SRRM4: variants seen among roughly 807,000 people sequenced by gnomAD.
The protein encoded by SRRM4 is serine/arginine repetitive matrix 4, also known as serine/arginine repetitive matrix protein 4.
Under a neutral mutation model 68.9 loss-of-function variants are expected in SRRM4, and 33 were observed. That is an observed-to-expected ratio of 0.48 (90% CI 0.36 to 0.64). The LOEUF (loss-of-function observed/expected upper bound fraction) is 0.64. Ranked by LOEUF, SRRM4 falls within the 30% of genes least tolerant of loss-of-function variation. The pLI, the probability that SRRM4 is intolerant of heterozygous loss-of-function variation, is 0.00. For synonymous variants in SRRM4, 318 were observed against 318.8 expected (o/e 1.00, Z 0.03); for missense variants, 817 against 827.1 (o/e 0.99, Z 0.15).
chr12:119,033,278 C>A (rs905659240), intron 1 of SRRM4, among the ~76,000 whole-genome samples: 2 of 152,168 alleles, frequency 1.3e-5, no homozygotes, highest in African/African-American at 4.8e-5. Context: ...TCATCTTTTT[C>A]TCTTTTCTTT....
At chr12:119,144,842 G>C (rs1220553608) in intron 8 of SRRM4, among the ~76,000 whole-genome samples, 1 of 151,644 alleles carries the variant, frequency 6.6e-6, no homozygotes, top group African/African-American at 2.4e-5. Flanking sequence ...TGTGATATTT[G>C]TTTAGGTTTC....
chr12:119,017,063 A>G (rs1953486280), intron 1 of SRRM4, among the ~76,000 whole-genome samples: 3 of 152,258 alleles, frequency 2.0e-5, no homozygotes, highest in African/African-American at 7.2e-5. Flanking sequence ...GCAAACTTTA[A>G]TATCCGCATG....
At chr12:118,988,897 T>C (rs982297113) in intron 1 of SRRM4, among the ~76,000 whole-genome samples, 2 of 151,488 alleles carry the variant, frequency 1.3e-5, no homozygotes, top group South Asian at 2.1e-4. Flanking sequence ...AAGGGAGAGG[T>C]GAGCTGTGAG....
At chr12:119,099,445 T>C (rs977728384) in intron 1 of SRRM4, among the ~76,000 whole-genome samples, 1 of 150,812 alleles carries the variant, frequency 6.6e-6, no homozygotes, top group African/African-American at 2.4e-5. Flanking sequence ...CTCTTCCTTA[T>C]AATATGTTAA....
chr12:119,034,382 C>A (rs1205745852), intron 1 of SRRM4, among the ~76,000 whole-genome samples: 1 of 152,192 alleles, frequency 6.6e-6, no homozygotes, highest in Non-Finnish European at 1.5e-5. Flanking sequence ...AGGATCCACT[C>A]TTCCTTGTTG....
chr12:119,083,416 G>A (rs1953961379), intron 1 of SRRM4, among the ~76,000 whole-genome samples: 1 of 152,054 alleles, frequency 6.6e-6, no homozygotes, highest in African/African-American at 2.4e-5. Flanking sequence ...CTTTGGAGCA[G>A]CCTTCAACTA....
intron 9 of SRRM4, among the ~76,000 whole-genome samples, chr12:119,146,325 AC>A (rs1954401394): frequency 6.6e-6 from 1 of 151,902 alleles, no homozygotes; most frequent in Non-Finnish European, 1.5e-5. Context: ...GGTGGCTCAC[AC>A]CTGTAATCCC....
At chr12:119,109,778 G>A (rs539649702) in intron 2 of SRRM4, among the ~76,000 whole-genome samples, 24 of 152,010 alleles carry the variant, frequency 1.6e-4, no homozygotes, top group Non-Finnish European at 2.8e-4. Flanking sequence ...CTCCTTTAGC[G>A]CAGAGAAGTT....
chr12:118,993,428 T>A (rs1389681661), intron 1 of SRRM4, among the ~76,000 whole-genome samples: 1 of 152,218 alleles, frequency 6.6e-6, no homozygotes, highest in Non-Finnish European at 1.5e-5. Flanking sequence ...ATGACATTCC[T>A]CTTAATGGCC....
chr12:119,054,945 T>C (rs960734997), intron 1 of SRRM4, among the ~76,000 whole-genome samples: 13 of 152,098 alleles, frequency 8.5e-5, no homozygotes, highest in African/African-American at 3.1e-4. Context: ...TAGGTGCTCA[T>C]CTCTGAACCA....
At chr12:118,984,798 C>T (rs2135986656) in intron 1 of SRRM4, among the ~76,000 whole-genome samples, 1 of 152,136 alleles carries the variant, frequency 6.6e-6, no homozygotes, top group East Asian at 1.9e-4. Context: ...AATGTCAGAA[C>T]AGTAGAGCAG....
chr12:119,121,988 C>T, intron 5 of SRRM4, 82 bp from the exon 6 acceptor site: 1 of 897,446 alleles, frequency 1.1e-6, no homozygotes, highest in Non-Finnish European at 1.9e-6. Flanking sequence ...GGATCTCACA[C>T]TGTGTGTTAA....
intron 1 of SRRM4, among the ~76,000 whole-genome samples, chr12:119,086,865 A>C (rs532997402): frequency 1.3e-5 from 2 of 152,352 alleles, no homozygotes; most frequent in East Asian, 3.9e-4. Flanking sequence ...AGCAGTGTCC[A>C]TTGTGACTGA....
intron 11 of SRRM4, among the ~76,000 whole-genome samples, 176 bp downstream of exon 11, chr12:119,153,825 C>A (rs1954455025): frequency 6.6e-6 from 1 of 152,058 alleles, no homozygotes; most frequent in Non-Finnish European, 1.5e-5. Flanking sequence ...CATCAAATAC[C>A]CTTGTTTCCT....
Position 119,026,942 on chromosome 12 carries a change from T to G in SRRM4, c.131+44929T>G, listed in dbSNP as rs189171754. 4.6e-5 allele frequency among the ~76,000 whole-genome samples: 7 copies of G among 152,328 alleles called. No individual in the cohort carries two copies. In the East Asian group the frequency reaches 1.3e-3, roughly 29 times the overall value. ...TAAACTAATCATGGTAATCCCATTC[T>G]CACACCTGCAAATGTTTTAGGAATG... On this transcript the variant is annotated intron_variant, in intron 1 of 12. Transcript: ENST00000267260.
At chr12:119,091,810 A>T (rs1318888991) in intron 1 of SRRM4, among the ~76,000 whole-genome samples, 1 of 152,012 alleles carries the variant, frequency 6.6e-6, no homozygotes, top group Non-Finnish European at 1.5e-5. Context: ...CTGAGCACAC[A>T]TGCCTTTCCC....
intron 9 of SRRM4, among the ~76,000 whole-genome samples, chr12:119,147,323 T>G (rs1227465480): frequency 6.6e-6 from 1 of 152,148 alleles, no homozygotes; most frequent in Admixed American, 6.5e-5. Flanking sequence ...GAGGGATGAA[T>G]AGGCAGAGCA....
chr12:119,041,908 G>T (rs550284689), intron 1 of SRRM4, among the ~76,000 whole-genome samples: 3 of 152,140 alleles, frequency 2.0e-5, no homozygotes, highest in African/African-American at 4.8e-5. Flanking sequence ...AGCATGGCTT[G>T]GTCCTACCAG....
At chr12:119,132,294 C>G (rs11064676) in intron 8 of SRRM4, 25,455 of 152,194 alleles carry the variant, frequency 0.17, 2,528 homozygotes, top group Non-Finnish European at 0.21. Flanking sequence ...CCCTCTCAAC[C>G]TCAGCTTTCT....
Sources: gnomAD v4.1 joint callset for allele counts (sites outside exome capture counted in the v4.1 genomes callset) on GRCh38, gnomAD v4.1.1 for gene constraint, MANE v1.5 for transcripts, NCBI Gene and HGNC (gene_info 2026-07-23, HGNC 2026-07-21) for gene names.